The following RAN variants were observed in gnomAD, a reference collection of about 807,000 sequenced individuals.
RAN encodes the protein GTP-binding nuclear protein Ran.
In RAN, 2 loss-of-function variants were observed where a neutral mutation model predicts 26.8. That is an observed-to-expected ratio of 0.07 (90% confidence interval 0.03 to 0.23). The LOEUF is 0.23. Among genes scored for constraint, RAN ranks in the 10% least tolerant of loss-of-function variants. RAN has a pLI of 1.00. For synonymous variants in RAN, 132 were observed against 95.9 expected, an observed-to-expected ratio of 1.38 and a Z score of -2.20; for missense variants, 56 against 264.8, an observed-to-expected ratio of 0.21 and a Z score of 5.47.
intron 4 of RAN, chr12:130,874,142 C>A: frequency 4.9e-6 from 1 of 203,828 alleles, no homozygotes; most frequent in South Asian, 5.8e-5. Context: ...AGCCACATTG[C>A]TTGGCCTATC....
rs548712434 is a variant in RAN, at chr12:130,872,589, C to T, written c.-5C>T. The T allele has an allele frequency of 2.6e-6, 4 of 1,518,106 alleles. No individual in the cohort carries two copies. Among genetic ancestry groups the T allele is most frequent in the African/African-American group, 2.8e-5 (2 of 71,616 alleles). 94.0% of individuals were successfully genotyped at this position (1,518,106 alleles called of 1,614,324 possible). Reference sequence around the variant, plus strand: ...TCCGTCCTCTGCCTCCGCAGGAACGCCGCGATGGCTGCGCAGGGAGAGCCC... The same window carrying T: ...TCCGTCCTCTGCCTCCGCAGGAACGTCGCGATGGCTGCGCAGGGAGAGCCC... On this transcript the variant is annotated 5_prime_UTR_variant, in exon 2 of 7. Coordinates refer to ENST00000543796, the MANE Select transcript of RAN (RefSeq NM_006325.5).
At chr12:130,874,803 C>A in intron 5 of RAN, 70 bp downstream of exon 5, 1 of 1,295,106 alleles carries the variant, frequency 7.7e-7, no homozygotes, top group Non-Finnish European at 1.1e-6. Context: ...TGAAATTAAC[C>A]AGTGTCTATT....
At chr12:130,872,408 G>A in intron 1 of RAN, 176 bp from the exon 2 acceptor site, 1 of 180,090 alleles carries the variant, frequency 5.6e-6, no homozygotes, top group Non-Finnish European at 1.1e-5. Flanking sequence ...CCCGGGCCCC[G>A]CCGCCCCGGA....
In RAN at chr12:130,872,144, G is replaced by A; in HGVS notation, c.-11+18G>A. On this transcript the variant is annotated intron_variant, in intron 1 of 6. Coordinates refer to ENST00000543796, the MANE Select transcript of RAN (RefSeq NM_006325.5). ...TCTGGAAGGTATCGCGACCCGGCGG[G>A]CCCGGCACGGCCGGGCGGGGACAGG... 1 of 218,216 alleles carries A rather than the reference G, an allele frequency of 4.6e-6. No homozygotes were observed. The highest frequency in any genetic ancestry group is 4.3e-5 in the South Asian group (1 of 23,470). The allele number at this position is 218,216 out of a possible 1,614,324, so 13.5% of individuals were successfully genotyped here.
chr12:130,872,833 C>T lies in RAN; in HGVS notation c.37-3C>T, dbSNP rs765562466. On this transcript the variant is annotated splice_region_variant and splice_polypyrimidine_tract_variant and intron_variant, in intron 2 of 6. Transcript: ENST00000543796. ...TTTACTTCCAAAATGTGTTTTTCAA[C>T]AGCTTGTATTGGTTGGTGATGGTGG... The T allele has an allele frequency of 2.5e-6, 4 of 1,614,034 alleles. No homozygotes were observed. The highest frequency in any genetic ancestry group is 2.2e-5 in the East Asian group (1 of 44,896).
At chr12:130,872,563 C>G in intron 1 of RAN, 21 bp from the exon 2 acceptor site, 2 of 1,486,690 alleles carry the variant, frequency 1.3e-6, no homozygotes, top group Non-Finnish European at 1.8e-6. Context: ...GAGCGCTCGC[C>G]TCCGTCCTCT....
In RAN at chr12:130,875,946, C is replaced by T. The variant is rs758023706; in HGVS notation, c.*20C>T. 17 of 1,612,782 alleles carry T rather than the reference C, an allele frequency of 1.1e-5. No homozygotes were observed. The highest frequency in any genetic ancestry group is 3.5e-4 in the Middle Eastern group (2 of 5,774). On this transcript the variant is annotated 3_prime_UTR_variant, in exon 7 of 7. Transcript: ENST00000543796. ...CTGTGAGAATGAAGCTGGAGCCCAGCGTCAGAAGTCTAGTTTTATAGGCAG... is the reference window on the plus strand; with the variant it reads ...CTGTGAGAATGAAGCTGGAGCCCAGTGTCAGAAGTCTAGTTTTATAGGCAG...
At chr12:130,875,820 G>A in intron 6 of RAN, 38 bp downstream of exon 6, 3 of 1,613,852 alleles carry the variant, frequency 1.9e-6, no homozygotes, top group Non-Finnish European at 2.5e-6. Context: ...TGTTCGGTTT[G>A]GCTTGTTTAT....
At position 130,873,145 on chromosome 12, in the gene RAN, T is replaced by G. The variant is rs751322776; in HGVS notation, c.247+17T>G. 1 of 1,614,138 alleles carries G rather than the reference T, an allele frequency of 6.2e-7. No homozygotes were observed. Among genetic ancestry groups the G allele is most frequent in the South Asian group, 1.1e-5 (1 of 91,060 alleles). On this transcript the variant is annotated intron_variant, in intron 4 of 6. Transcript: ENST00000543796. ...ATATCCAAGGTAGGCATTTGTAACT[T>G]GCTGAACGGTTTTTGAGAGGTTTTG...
At position 130,875,725 on chromosome 12, in the gene RAN, C is replaced by T. The variant is rs1953226859; in HGVS notation, c.549C>T (p.Ala183=). The T allele has an allele frequency of 1.9e-6, 3 of 1,614,106 alleles. No individual in the cohort carries two copies. In the East Asian group the frequency reaches 6.7e-5, roughly 36 times the overall value. Residue 183 remains alanine (A), a synonymous_variant, in exon 6 of 7, where the codon GCC becomes GCT. Transcript: ENST00000543796. Reference sequence around the variant, plus strand: ...AATTTGTTGCCATGCCTGCTCTCGCCCCACCAGAAGTTGTCATGGACCCAG... The same window carrying T: ...AATTTGTTGCCATGCCTGCTCTCGCTCCACCAGAAGTTGTCATGGACCCAG... ...NLEFVAMPAL[A]PPEVVMDPAL... is the part of the protein sequence containing the mutation.
rs560526167 is a variant in RAN, at chr12:130,875,549, C to T, written c.436-63C>T. 39 of 1,389,462 alleles carry T rather than the reference C, an allele frequency of 2.8e-5. No homozygotes were observed. In the South Asian group the frequency reaches 5.4e-4, roughly 19 times the overall value. 86.1% of individuals were successfully genotyped at this position (1,389,462 alleles called of 1,614,324 possible). ...TTAACATTTTCTTATCTTGCAATGT[C>T]CTAGAAAAATCGTCATCTTAATAAT... On this transcript the variant is annotated intron_variant, in intron 5 of 6. Transcript: ENST00000543796.
In RAN at chr12:130,872,072, C is replaced by T; in HGVS notation, c.-65C>T. The T allele has an allele frequency of 9.1e-6, 3 of 328,898 alleles. No homozygotes were observed. Among genetic ancestry groups the T allele is most frequent in the South Asian group, 2.2e-5 (1 of 46,460 alleles). The allele number at this position is 328,898 out of a possible 1,614,324, so 20.4% of individuals were successfully genotyped here. On this transcript the variant is annotated 5_prime_UTR_variant, in exon 1 of 7. Coordinates refer to ENST00000543796, the MANE Select transcript of RAN (RefSeq NM_006325.5). ...GGCTGCGTCTCCGGCGTTTGAATTG[C>T]GCTTCCGCCATCTTTCCAGCCTCAG...
chr12:130,874,053 T>G, intron 4 of RAN: 1 of 374,402 alleles, frequency 2.7e-6, no homozygotes, highest in Non-Finnish European at 5.5e-6. Flanking sequence ...TTCACCATGT[T>G]GCCCATGCTG....
At chr12:130,874,841 A>C (rs1437708078) in intron 5 of RAN, 108 bp downstream of exon 5, 5 of 987,650 alleles carry the variant, frequency 5.1e-6, no homozygotes, top group Non-Finnish European at 7.3e-6. Flanking sequence ...TTTTTTCCCC[A>C]AGACGGAGTC....
Position 130,876,302 on chromosome 12 carries a change from T to A in RAN, c.*376T>A, listed in dbSNP as rs2136404445. 5.3e-6 allele frequency: 1 copy of A among 188,334 alleles called. No homozygotes were observed. The highest frequency in any genetic ancestry group is 2.2e-3 in the Middle Eastern group (1 of 460). The allele number at this position is 188,334 out of a possible 1,614,324, so 11.7% of individuals were successfully genotyped here. A position where few individuals can be genotyped will look rare whatever the true frequency, so the allele number is the denominator to read the frequency against. On this transcript the variant is annotated 3_prime_UTR_variant, in exon 7 of 7. Coordinates refer to ENST00000543796, the MANE Select transcript of RAN (RefSeq NM_006325.5). The stretch of plus-strand genomic sequence containing the variant: ...TCTAAGCAAGTGAACTCATCCCTTG[T>A]TTATAAATAGCATTTGGAAACCACT...
At position 130,872,792 on chromosome 12, in the gene RAN, G is replaced by A. The variant is rs778844163; in HGVS notation, c.37-44G>A. 7 of 1,601,306 alleles carry A rather than the reference G, an allele frequency of 4.4e-6. No homozygotes were observed. The Admixed American group carries it at 6.7e-5, about 15-fold the overall frequency. ...GTTCCGTGACTCTGGGATCTTGAGA[G>A]GTGAAGTGTTTAGGGTTTACTTCCA... On this transcript the variant is annotated intron_variant, in intron 2 of 6. Coordinates refer to ENST00000543796, the MANE Select transcript of RAN (RefSeq NM_006325.5).
At position 130,872,970 on chromosome 12, in the gene RAN, T is replaced by G. The variant is rs767169653; in HGVS notation, c.122-33T>G. ...TGGAAATATGTGAGAAATGGGTAAG[T>G]TCATCCACTCAATCGCATCGTTTCC... On this transcript the variant is annotated intron_variant, in intron 3 of 6. Coordinates refer to ENST00000543796, the MANE Select transcript of RAN (RefSeq NM_006325.5). 3 of 1,614,104 alleles carry G rather than the reference T, an allele frequency of 1.9e-6. No individual in the cohort carries two copies. The East Asian group carries it at 6.7e-5, about 36-fold the overall frequency.
At chr12:130,873,257 C>A (rs541545656) in intron 4 of RAN, 129 bp downstream of exon 4, 2 of 1,299,368 alleles carry the variant, frequency 1.5e-6, no homozygotes, top group African/African-American at 3.0e-5. Context: ...AAGTGGACTT[C>A]GGGGAGTTGA....
intron 5 of RAN, among the ~76,000 whole-genome samples, chr12:130,875,365 G>A (rs1953219607): frequency 6.6e-6 from 1 of 151,860 alleles, no homozygotes; most frequent in Non-Finnish European, 1.5e-5. Flanking sequence ...GGGCTCACAG[G>A]CACTCACCAC....
Sources: gnomAD v4.1 joint callset for allele counts (sites outside exome capture counted in the v4.1 genomes callset) on GRCh38, gnomAD v4.1.1 for gene constraint, MANE v1.5 for transcripts, NCBI Gene and HGNC (gene_info 2026-07-23, HGNC 2026-07-21) for gene names.